Variants in ESRRG observed in about 807,000 individuals in gnomAD.
ESRRG encodes the protein estrogen related receptor gamma.
In ESRRG, 13 loss-of-function variants were observed where a neutral mutation model predicts 44.0. That is an observed-to-expected ratio of 0.30 (90% CI 0.19 to 0.47). ESRRG has a LOEUF of 0.47. ESRRG is among the 20% of genes least tolerant of loss of function. ESRRG has a pLI of 1.00. For synonymous variants in ESRRG, 215 were observed against 214.6 expected (o/e 1.00, Z -0.02); for missense variants, 395 against 580.6 (o/e 0.68, Z 3.29).
chr1:216,626,363 A>C lies in ESRRG; in HGVS notation c.589+24610T>G, dbSNP rs185281585. Among the ~76,000 whole-genome samples, 34 of 152,258 alleles carry C rather than the reference A, an allele frequency of 2.2e-4. 1 individual carries two copies. In the East Asian group the frequency reaches 6.6e-3, roughly 29 times the overall value. Reference sequence around the variant, plus strand: ...GAACTCACTTCCCATCTTGTGTTTTAAAGCATTTTTCCCATGACTTCTATC... The same window carrying C: ...GAACTCACTTCCCATCTTGTGTTTTCAAGCATTTTTCCCATGACTTCTATC... On this transcript the variant is annotated intron_variant, in intron 3 of 6. Transcript: ENST00000408911.
chr1:216,625,371 T>C (rs1344625223), intron 3 of ESRRG, among the ~76,000 whole-genome samples: 4 of 147,146 alleles, frequency 2.7e-5, no homozygotes, highest in African/African-American at 7.7e-5. Context: ...TACCATTTGA[T>C]CATTTTTGTC....
chr1:217,135,156 G>A (rs895385335), intron 1 of ESRRG, among the ~76,000 whole-genome samples: 1 of 152,210 alleles, frequency 6.6e-6, no homozygotes, highest in Non-Finnish European at 1.5e-5. Context: ...CGAAAGGAAA[G>A]GTCTCCATCT....
At chr1:216,970,004 C>A (rs1578847374) in intron 1 of ESRRG, among the ~76,000 whole-genome samples, 1 of 152,144 alleles carries the variant, frequency 6.6e-6, no homozygotes, top group African/African-American at 2.4e-5. Flanking sequence ...GGGGAAGAGA[C>A]AATGGCACAT....
intron 1 of ESRRG, among the ~76,000 whole-genome samples, chr1:217,026,912 C>CACACACACAGAGAGAGAGAG (rs1255637839): frequency 3.3e-4 from 31 of 93,466 alleles, no homozygotes; most frequent in Non-Finnish European, 4.1e-4. Flanking sequence ...CACACACACA[C>CACACACACAGAGAGAGAGAG]AGAGAGAGAG....
intron 2 of ESRRG, among the ~76,000 whole-genome samples, chr1:216,662,744 CT>C (rs2072842390): frequency 1.3e-5 from 2 of 152,082 alleles, no homozygotes; most frequent in South Asian, 2.1e-4. Context: ...GGTTGGCAAG[CT>C]TTTTTGAAAG....
chr1:216,747,723 C>T (rs1210828155), intron 2 of ESRRG, among the ~76,000 whole-genome samples: 1 of 152,206 alleles, frequency 6.6e-6, no homozygotes, highest in Non-Finnish European at 1.5e-5. Context: ...TTTTAGGCCT[C>T]AGCCTACCAA....
chr1:217,080,684 T>G (rs1399170653), intron 1 of ESRRG, among the ~76,000 whole-genome samples: 1 of 95,340 alleles, frequency 1.0e-5, no homozygotes, highest in East Asian at 3.1e-4. Context: ...TTTTTTTTTT[T>G]TTTTTTTTTT....
intron 1 of ESRRG, among the ~76,000 whole-genome samples, chr1:217,104,709 A>G (rs1388244707): frequency 6.6e-6 from 1 of 152,186 alleles, no homozygotes; most frequent in African/African-American, 2.4e-5. Flanking sequence ...ATTTGGTGGC[A>G]CAGGGCATTG....
intron 3 of ESRRG, among the ~76,000 whole-genome samples, chr1:216,648,317 G>A (rs2068093913): frequency 1.3e-5 from 2 of 152,090 alleles, no homozygotes; most frequent in East Asian, 1.9e-4. Flanking sequence ...TGGTGGTTGT[G>A]GGAGGTGGGG....
At chr1:217,136,426 G>C (rs1248662131) in intron 1 of ESRRG, among the ~76,000 whole-genome samples, 1 of 152,188 alleles carries the variant, frequency 6.6e-6, no homozygotes, top group East Asian at 1.9e-4. Context: ...TCAACCCTAG[G>C]CTCTGGCCTA....
At chr1:216,946,350 T>C (rs1463337625) in intron 1 of ESRRG, among the ~76,000 whole-genome samples, 1 of 152,156 alleles carries the variant, frequency 6.6e-6, no homozygotes, top group African/African-American at 2.4e-5. Context: ...AGAGGTGCTA[T>C]TTATCTTTAA....
intron 2 of ESRRG, among the ~76,000 whole-genome samples, chr1:216,922,291 AC>A (rs746451399): frequency 4.6e-5 from 7 of 152,206 alleles, no homozygotes; most frequent in Admixed American, 1.3e-4. Context: ...AGCTTCTCTC[AC>A]CTGATAATTT....
chr1:216,658,848 A>AAGAAGAGAAG (rs199919171), intron 2 of ESRRG, among the ~76,000 whole-genome samples: 3,002 of 125,090 alleles, frequency 0.024, 68 homozygotes, highest in East Asian at 0.043. Context: ...AAGAAAGTAA[A>AAGAAGAGAAG]AGAAGAGAAG....
chr1:217,023,322 G>A (rs750992683), intron 1 of ESRRG, among the ~76,000 whole-genome samples: 10 of 152,128 alleles, frequency 6.6e-5, no homozygotes, highest in Non-Finnish European at 1.0e-4. Flanking sequence ...CAGAATACCA[G>A]ACACCAGGAG....
chr1:216,762,715 T>A (rs1440909751), intron 2 of ESRRG, among the ~76,000 whole-genome samples: 6 of 151,546 alleles, frequency 4.0e-5, no homozygotes, highest in Admixed American at 2.6e-4. Flanking sequence ...TAATAAAAAA[T>A]AAATAAATAA....
chr1:216,541,759 G>A (rs1453177403), intron 5 of ESRRG, among the ~76,000 whole-genome samples: 1 of 151,856 alleles, frequency 6.6e-6, no homozygotes, highest in Non-Finnish European at 1.5e-5. Context: ...TTCTACGTCT[G>A]TAATCATTTT....
At chr1:216,912,155 GAA>G (rs1491301289) in intron 2 of ESRRG, among the ~76,000 whole-genome samples, 15 of 33,676 alleles carry the variant, frequency 4.5e-4, no homozygotes, top group East Asian at 1.4e-3. Context: ...GAAAAGAAAA[GAA>G]AAGAAAAGAA....
intron 2 of ESRRG, among the ~76,000 whole-genome samples, chr1:216,890,661 A>T (rs939762294): frequency 1.3e-5 from 2 of 152,148 alleles, no homozygotes; most frequent in Non-Finnish European, 2.9e-5. Context: ...ACATCCCCTT[A>T]TTGCCCTCAC....
chr1:216,998,491 AT>A (rs2076640238), intron 1 of ESRRG, among the ~76,000 whole-genome samples: 1 of 152,214 alleles, frequency 6.6e-6, no homozygotes, highest in Non-Finnish European at 1.5e-5. Context: ...AGATGGCATG[AT>A]GGCATATTTT....
Sources: gnomAD v4.1 joint callset for allele counts (sites outside exome capture counted in the v4.1 genomes callset) on GRCh38, gnomAD v4.1.1 for gene constraint, MANE v1.5 for transcripts, NCBI Gene and HGNC (gene_info 2026-07-23, HGNC 2026-07-21) for gene names.